The following CCR2 variants were observed in gnomAD, a reference collection of about 807,000 sequenced individuals.
CCR2 encodes C-C motif chemokine receptor 2.
For synonymous variants in CCR2, 183 were observed against 177.1 expected (o/e 1.03, Z -0.27); for missense variants, 408 against 440.0 (o/e 0.93, Z 0.65).
Position 46,358,526 on chromosome 3 carries a change from A to G in CCR2, c.999A>G (p.Pro333=), listed in dbSNP as rs760146982. The G allele has an allele frequency of 6.8e-6, 11 of 1,612,898 alleles. No individual in the cohort carries two copies. The highest frequency in any genetic ancestry group is 3.3e-4 in the Middle Eastern group (2 of 6,062). ...CCAAGCGCTTCTGCAAACAATGTCCAGTTTTCTACAGGGAGACAGTGGATG... is the reference window on the plus strand; with the variant it reads ...CCAAGCGCTTCTGCAAACAATGTCCGGTTTTCTACAGGGAGACAGTGGATG... The part of the protein sequence containing the change: ...HITKRFCKQC[P]VFYRETVDGV... The change falls in exon 2 of 2, where the codon CCA becomes CCG. Residue 333 remains proline, a synonymous_variant. Transcript: ENST00000445132.
Position 46,358,086 on chromosome 3 carries a change from G to T in CCR2, c.559G>T (p.Val187Phe), listed in dbSNP as rs1559562128. The change falls in exon 2 of 2, where the codon GTT becomes TTT. Residue 187 changes from valine to phenylalanine, a missense_variant. By Grantham distance (50) the Val-to-Phe change is conservative. Transcript: ENST00000445132. ...TACTAAATGCCAGAAAGAAGATTCT[G>T]TTTATGTCTGTGGCCCTTATTTTCC... ...IFTKCQKEDS[V>F]YVCGPYFPRG... 1 of 1,614,140 alleles carries T rather than the reference G, an allele frequency of 6.2e-7. No individual in the cohort carries two copies. The highest frequency in any genetic ancestry group is 1.3e-5 in the African/African-American group (1 of 75,016).
At position 46,358,278 on chromosome 3, in the gene CCR2, G is replaced by A; in HGVS notation, c.751G>A (p.Val251Ile). The A allele has an allele frequency of 6.2e-7, 1 of 1,614,158 alleles. No homozygotes were observed. Among genetic ancestry groups the A allele is most frequent in the South Asian group, 1.1e-5 (1 of 91,074 alleles). ...GAGAGTCATCTTCACCATCATGATT[G>A]TTTACTTTCTCTTCTGGACTCCCTA... ...AVRVIFTIMI[V>I]YFLFWTPYNI... The change falls in exon 2 of 2, where the codon GTT becomes ATT. Residue 251 changes from valine (V) to isoleucine (I), a missense_variant. By Grantham distance (29) the Val-to-Ile change is conservative. Transcript: ENST00000445132.
chr3:46,357,016 G>A (rs1701466017), intron 1 of CCR2, among the ~76,000 whole-genome samples: 1 of 152,170 alleles, frequency 6.6e-6, no homozygotes, highest in Non-Finnish European at 1.5e-5. Context: ...TGGTTCTCTA[G>A]GTCTTCCATT....
chr3:46,359,223 T>TA lies in CCR2; in HGVS notation c.*615dup. On this transcript the variant is annotated 3_prime_UTR_variant, in exon 2 of 2. Coordinates refer to ENST00000445132, the MANE Select transcript of CCR2 (RefSeq NM_001123396.4). The stretch of plus-strand genomic sequence containing the variant: ...TGGAGTCCGATGATTCTCTTTTGCA[T>TA]AAGTGCATGACATATTTTTGCTTTA... 1 of 1,005,174 alleles carries TA rather than the reference T, an allele frequency of 9.9e-7. No homozygotes were observed. Among genetic ancestry groups the TA allele is most frequent in the Non-Finnish European group, 1.2e-6 (1 of 833,220 alleles). 62.3% of individuals were successfully genotyped at this position (1,005,174 alleles called of 1,614,324 possible). A position where few individuals can be genotyped will look rare whatever the true frequency, so the allele number is the denominator to read the frequency against.
chr3:46,359,766 A>C lies in CCR2; in HGVS notation c.*1156A>C. Reference sequence around the variant, plus strand: ...GGAGTGAGACCAGGAAAGAATGTGAAAGTGACTACACAAGGACTCCTCGAT... The same window carrying C: ...GGAGTGAGACCAGGAAAGAATGTGACAGTGACTACACAAGGACTCCTCGAT... On this transcript the variant is annotated 3_prime_UTR_variant, in exon 2 of 2. Coordinates refer to ENST00000445132, the MANE Select transcript of CCR2 (RefSeq NM_001123396.4). 1 of 1,614,166 alleles carries C rather than the reference A, an allele frequency of 6.2e-7. No homozygotes were observed. Among genetic ancestry groups the C allele is most frequent in the Non-Finnish European group, 8.5e-7 (1 of 1,180,010 alleles).
rs1701482076 is a variant in CCR2, at chr3:46,357,804, A to G, written c.277A>G (p.Ile93Val). ...GGCCATCTCTGATCTGCTTTTTCTT[A>G]TTACTCTCCCATTGTGGGCTCACTC... Reference protein sequence around the residue: ...NLAISDLLFLITLPLWAHSAA... With the variant: ...NLAISDLLFLVTLPLWAHSAA... The change falls in exon 2 of 2, where the codon ATT becomes GTT. Residue 93 changes from isoleucine (I) to valine (V), a missense_variant. Ile to Val is a conservative substitution (Grantham distance 29, BLOSUM62 3). Coordinates refer to ENST00000445132, the MANE Select transcript of CCR2 (RefSeq NM_001123396.4). 1.2e-6 allele frequency: 2 copies of G among 1,614,074 alleles called. No homozygotes were observed. The highest frequency in any genetic ancestry group is 2.2e-5 in the South Asian group (2 of 91,082).
chr3:46,359,856 C>A lies in CCR2; in HGVS notation c.*1246C>A, dbSNP rs1216371766. Reference sequence around the variant, plus strand: ...GCCAGTCTTCAGGACAAAGAAGGAGCCTAGAGACAGAAATGACAGATCTCT... The same window carrying A: ...GCCAGTCTTCAGGACAAAGAAGGAGACTAGAGACAGAAATGACAGATCTCT... On this transcript the variant is annotated 3_prime_UTR_variant, in exon 2 of 2. Coordinates refer to ENST00000445132, the MANE Select transcript of CCR2 (RefSeq NM_001123396.4). 1.2e-6 allele frequency: 2 copies of A among 1,612,362 alleles called. No homozygotes were observed. The highest frequency in any genetic ancestry group is 4.5e-5 in the East Asian group (2 of 44,852).
chr3:46,357,715 T>C lies in CCR2; in HGVS notation c.188T>C (p.Val63Ala). ...TTTGGTTTTGTGGGCAACATGCTGG[T>C]CGTCCTCATCTTAATAAACTGCAAA... The part of the protein sequence containing the change: ...FIFGFVGNML[V>A]VLILINCKKL... Residue 63 changes from valine (V) to alanine (A), a missense_variant, in exon 2 of 2, where the codon GTC becomes GCC. Coordinates refer to ENST00000445132, the MANE Select transcript of CCR2 (RefSeq NM_001123396.4). The C allele has an allele frequency of 6.2e-7, 1 of 1,614,182 alleles. No homozygotes were observed.
rs771096310 is a variant in CCR2, at chr3:46,359,663, T to G, written c.*1053T>G. 4.4e-6 allele frequency: 7 copies of G among 1,604,288 alleles called. No individual in the cohort carries two copies. In the South Asian group the frequency reaches 7.8e-5, roughly 18 times the overall value. ...TGCCTTGCCACTCCCCTCACTCTTC[T>G]CTTTTCCCCACAGCCTTTTTCACAT... On this transcript the variant is annotated 3_prime_UTR_variant, in exon 2 of 2. Transcript: ENST00000445132.
Position 46,357,911 on chromosome 3 carries a change from C to A in CCR2, c.384C>A (p.Ile128=). ...GLYHIGYFGG[I]FFIILLTIDR... ...ATCACATCGGTTATTTTGGCGGAAT[C>A]TTCTTCATCATCCTCCTGACAATCG... The change falls in exon 2 of 2, where the codon ATC becomes ATA. Residue 128 remains isoleucine, a synonymous_variant. Transcript: ENST00000445132. 1.2e-6 allele frequency: 2 copies of A among 1,614,180 alleles called. No homozygotes were observed. Among genetic ancestry groups the A allele is most frequent in the African/African-American group, 1.3e-5 (1 of 75,052 alleles).
intron 1 of CCR2, 34 bp from the exon 2 acceptor site, chr3:46,357,443 G>A (rs776234450): frequency 7.0e-7 from 1 of 1,423,848 alleles, no homozygotes. Context: ...CGGTGTTTGT[G>A]TTGTGTGGTC....
chr3:46,354,585 G>A (rs1395383877), intron 1 of CCR2, among the ~76,000 whole-genome samples: 1 of 152,238 alleles, frequency 6.6e-6, no homozygotes, highest in Non-Finnish European at 1.5e-5. Context: ...AGAGGCAGAA[G>A]TAAGGAATTT....
Position 46,359,897 on chromosome 3 carries a change from C to G in CCR2, c.*1287C>G. ...ACAGATCTCTGCTTTGGAAATCACA[C>G]GTCTGGCTTCACAGATGTGTGATTC... On this transcript the variant is annotated 3_prime_UTR_variant, in exon 2 of 2. Coordinates refer to ENST00000445132, the MANE Select transcript of CCR2 (RefSeq NM_001123396.4). 1 of 1,584,094 alleles carries G rather than the reference C, an allele frequency of 6.3e-7. No individual in the cohort carries two copies. Among genetic ancestry groups the G allele is most frequent in the Non-Finnish European group, 8.6e-7 (1 of 1,158,918 alleles).
rs371859867 is a variant in CCR2, at chr3:46,358,229, C to T, written c.702C>T (p.Asn234=). ...GILKTLLRCR[N]EKKRHRAVRV... ...TGAAAACCCTGCTTCGGTGTCGAAA[C>T]GAGAAGAAGAGGCATAGGGCAGTGA... Residue 234 remains asparagine, a synonymous_variant, in exon 2 of 2, where the codon AAC becomes AAT. Transcript: ENST00000445132. The T allele has an allele frequency of 1.8e-5, 29 of 1,613,978 alleles. No homozygotes were observed. Among genetic ancestry groups the T allele is most frequent in the South Asian group, 5.5e-5 (5 of 91,080 alleles).
chr3:46,358,406 T>A lies in CCR2; in HGVS notation c.879T>A (p.Leu293=), dbSNP rs776784364. 1 of 1,614,062 alleles carries A rather than the reference T, an allele frequency of 6.2e-7. No individual in the cohort carries two copies. Among genetic ancestry groups the A allele is most frequent in the Non-Finnish European group, 8.5e-7 (1 of 1,180,004 alleles). The change falls in exon 2 of 2, where the codon CTT becomes CTA. Residue 293 remains leucine, a synonymous_variant. Transcript: ENST00000445132. ...AAGCCACGCAGGTGACAGAGACTCT[T>A]GGGATGACTCACTGCTGCATCAATC... is the stretch of plus-strand genomic sequence containing the variant. ...LDQATQVTET[L]GMTHCCINPI...
Position 46,360,135 on chromosome 3 carries a change from A to G in CCR2, c.*1525A>G, listed in dbSNP as rs1335800664. The G allele has an allele frequency of 8.0e-6, 3 of 376,966 alleles. No homozygotes were observed. The highest frequency in any genetic ancestry group is 1.4e-5 in the Non-Finnish European group (3 of 209,254). The allele number at this position is 376,966 out of a possible 1,614,324, so 23.4% of individuals were successfully genotyped here. Reference sequence around the variant, plus strand: ...TGGTAAAGAGTTAGTTTGAGTTACTATCATGTCAAACGTGAAAATGCTGTA... The same window carrying G: ...TGGTAAAGAGTTAGTTTGAGTTACTGTCATGTCAAACGTGAAAATGCTGTA... On this transcript the variant is annotated 3_prime_UTR_variant, in exon 2 of 2. Coordinates refer to ENST00000445132, the MANE Select transcript of CCR2 (RefSeq NM_001123396.4).
At position 46,357,911 on chromosome 3, in the gene CCR2, C is replaced by T; in HGVS notation, c.384C>T (p.Ile128=). 1 of 1,614,180 alleles carries T rather than the reference C, an allele frequency of 6.2e-7. No homozygotes were observed. Among genetic ancestry groups the T allele is most frequent in the East Asian group, 2.2e-5 (1 of 44,886 alleles). Residue 128 remains isoleucine (I), a synonymous_variant, in exon 2 of 2, where the codon ATC becomes ATT. Coordinates refer to ENST00000445132, the MANE Select transcript of CCR2 (RefSeq NM_001123396.4). ...ATCACATCGGTTATTTTGGCGGAAT[C>T]TTCTTCATCATCCTCCTGACAATCG... ...GLYHIGYFGG[I]FFIILLTIDR...
At position 46,357,723 on chromosome 3, in the gene CCR2, A is replaced by G. The variant is rs1042578153; in HGVS notation, c.196A>G (p.Ile66Val). The change falls in exon 2 of 2, where the codon ATC (isoleucine) becomes GTC (valine). Residue 66 changes from isoleucine (I) to valine (V), a missense_variant. By Grantham distance (29) the Ile-to-Val change is conservative. Coordinates refer to ENST00000445132, the MANE Select transcript of CCR2 (RefSeq NM_001123396.4). ...TGTGGGCAACATGCTGGTCGTCCTC[A>G]TCTTAATAAACTGCAAAAAGCTGAA... is the stretch of plus-strand genomic sequence containing the variant. ...GFVGNMLVVL[I>V]LINCKKLKCL... is the part of the protein sequence containing the mutation. 8 of 1,614,142 alleles carry G rather than the reference A, an allele frequency of 5.0e-6. No individual in the cohort carries two copies. The African/African-American group carries it at 6.7e-5, about 13-fold the overall frequency.
chr3:46,355,548 G>A (rs3092962), intron 1 of CCR2, among the ~76,000 whole-genome samples: 30,413 of 152,144 alleles, frequency 0.2, 3,418 homozygotes, highest in Admixed American at 0.29. Context: ...TTTAAGCTAA[G>A]AGTGACTATT....
Sources: allele counts gnomAD v4.1 joint callset (sites outside exome capture counted in the v4.1 genomes callset), GRCh38; gene constraint gnomAD v4.1.1; transcripts MANE v1.5; gene names NCBI Gene and HGNC (gene_info 2026-07-23, HGNC 2026-07-21).